RUFY2: variants seen among roughly 807,000 people sequenced by gnomAD.
The protein encoded by RUFY2 is RUN and FYVE domain containing 2.
RUFY2 carries 49 observed loss-of-function variants against 94.4 expected under a neutral mutation model. That is an observed-to-expected ratio of 0.52 (90% confidence interval 0.41 to 0.66). The LOEUF is 0.66. Among genes scored for constraint, RUFY2 ranks in the 30% least tolerant of loss-of-function variants. RUFY2 has a pLI of 0.00. For synonymous variants in RUFY2, 255 were observed against 235.7 expected, an observed-to-expected ratio of 1.08 and a Z score of -0.75; for missense variants, 541 against 692.8, an observed-to-expected ratio of 0.78 and a Z score of 2.46.
intron 10 of RUFY2, among the ~76,000 whole-genome samples, chr10:68,383,489 CAT>C (rs1407298032): frequency 6.6e-6 from 1 of 150,930 alleles, no homozygotes; most frequent in African/African-American, 2.4e-5. Context: ...TGTGGTGGCA[CAT>C]GCCTTGTACT....
At chr10:68,394,049 T>C (rs998223803) in intron 6 of RUFY2, 26 bp downstream of exon 6, 35 of 1,491,878 alleles carry the variant, frequency 2.3e-5, no homozygotes, top group Non-Finnish European at 2.9e-5. Context: ...AAACCCAATA[T>C]GTGAAATAAC....
intron 16 of RUFY2, among the ~76,000 whole-genome samples, chr10:68,353,725 G>C (rs1479574373): frequency 6.6e-6 from 1 of 152,018 alleles, no homozygotes; most frequent in East Asian, 1.9e-4. Context: ...CTTGAGCCCA[G>C]GAGTTTGAGA....
intron 13 of RUFY2, among the ~76,000 whole-genome samples, chr10:68,369,291 C>T (rs558235975): frequency 3.3e-5 from 5 of 152,162 alleles, no homozygotes; most frequent in African/African-American, 9.6e-5. Flanking sequence ...TTGAGACCAG[C>T]CTGGTCAACA....
At position 68,394,635 on chromosome 10, in the gene RUFY2, A is replaced by T. The variant is rs7077943; in HGVS notation, c.399-184T>A. ...TATATTTTTTATTTTTTATTTATTA[A>T]TTTTTTTTTTTTGAGACGAAGTCTT... On this transcript the variant is annotated intron_variant, in intron 4 of 17. Transcript: ENST00000602465. 6.4e-3 allele frequency among the ~76,000 whole-genome samples: 940 copies of T among 146,904 alleles called. 15 individuals are homozygous for T. Among genetic ancestry groups the T allele is most frequent in the African/African-American group, 0.022 (900 of 40,436 alleles).
intron 16 of RUFY2, among the ~76,000 whole-genome samples, chr10:68,349,422 A>AG (rs76282461): frequency 4.0e-5 from 6 of 151,834 alleles, no homozygotes; most frequent in Non-Finnish European, 5.9e-5. Context: ...CAGGAGGCTG[A>AG]GGGGGGGAGG....
intron 3 of RUFY2, among the ~76,000 whole-genome samples, chr10:68,400,215 C>T (rs1270174844): frequency 6.6e-6 from 1 of 152,030 alleles, no homozygotes; most frequent in Admixed American, 6.6e-5. Flanking sequence ...ACTTGGGAGG[C>T]TGAGGCACGA....
rs1056598428 is a variant in RUFY2, at chr10:68,343,481, G to GTATT, written c.*2283_*2286dup. 116 of 152,624 alleles carry GTATT rather than the reference G, an allele frequency of 7.6e-4. 1 individual carries two copies. The highest frequency in any genetic ancestry group is 3.6e-3 in the Admixed American group (55 of 15,286). The allele number at this position is 152,624 out of a possible 1,614,324, so 9.5% of individuals were successfully genotyped here. ...CATCTTAAAGCAGTAAAAGTATACA[G>GTATT]TATTAATGAAACCAAAATTGCCCTT... is the stretch of plus-strand genomic sequence containing the variant. On this transcript the variant is annotated 3_prime_UTR_variant, in exon 18 of 18. Transcript: ENST00000602465.
intron 13 of RUFY2, among the ~76,000 whole-genome samples, chr10:68,366,855 T>C (rs1442401223): frequency 2.2e-5 from 3 of 138,804 alleles, no homozygotes; most frequent in African/African-American, 5.3e-5. Context: ...TATAAATAAA[T>C]AAATATATTA....
chr10:68,388,846 AAAAAAAAAG>A lies in RUFY2; in HGVS notation c.651-2727_651-2719del, dbSNP rs1471665346. ...CATGAGAACCCTGTCTCAAAAAAAA[AAAAAAAAAG>A]AAAAGAAAAGAAAAAGAAAAAGCAA... On this transcript the variant is annotated intron_variant, in intron 7 of 17. Transcript: ENST00000602465. Among the ~76,000 whole-genome samples, 98 of 149,604 alleles carry A rather than the reference AAAAAAAAAG, an allele frequency of 6.6e-4. 2 individuals are homozygous for A. The highest frequency in any genetic ancestry group is 1.1e-3 in the Non-Finnish European group (73 of 67,300).
chr10:68,355,533 G>T, intron 15 of RUFY2, 132 bp from the exon 16 acceptor site: 1 of 516,808 alleles, frequency 1.9e-6, no homozygotes, highest in East Asian at 3.4e-5. Context: ...GGCCTTCTCT[G>T]GCTAGTGGAA....
rs2049281323 is a variant in RUFY2, at chr10:68,383,886, A to T, written c.851T>A (p.Leu284His). 1 of 1,613,768 alleles carries T rather than the reference A, an allele frequency of 6.2e-7. No individual in the cohort carries two copies. ...CTGACGAGAATGCTTATATGTTTGA[A>T]GCTCAGTTTCCACATCTACTTTGGT... ...EVTKVDVETELQTYKHSRQGL... is the reference protein window; with the variant it reads ...EVTKVDVETEHQTYKHSRQGL... Residue 284 changes from leucine to histidine, a missense_variant, in exon 10 of 18, where the codon CTT (leucine) becomes CAT (histidine). Leu to His is a moderately conservative substitution (Grantham distance 99, BLOSUM62 -3). This residue lies in a region of RUFY2 where 403 missense variants were observed against 480.7 expected (regional missense o/e 0.84). Coordinates refer to ENST00000602465, the MANE Select transcript of RUFY2 (RefSeq NM_001330103.2).
intron 7 of RUFY2, among the ~76,000 whole-genome samples, chr10:68,389,059 A>AT (rs923665184): frequency 6.6e-6 from 1 of 151,406 alleles, no homozygotes; most frequent in Admixed American, 6.6e-5. Context: ...TGACCAGCTA[A>AT]TTTTTTGTAC....
At chr10:68,363,708 A>G (rs751253574) in intron 14 of RUFY2, 24 bp from the exon 15 acceptor site, 1 of 1,425,634 alleles carries the variant, frequency 7.0e-7, no homozygotes, top group Non-Finnish European at 9.6e-7. Flanking sequence ...AAAGACAGAA[A>G]ATGAAATTTA....
intron 4 of RUFY2, among the ~76,000 whole-genome samples, chr10:68,396,235 C>G (rs771002494): frequency 1.3e-5 from 2 of 152,174 alleles, no homozygotes; most frequent in Non-Finnish European, 2.9e-5. Flanking sequence ...AGTGATCCAC[C>G]TGCCTCGGCC....
In RUFY2 at chr10:68,389,116, G is replaced by C. The variant is rs566051282; in HGVS notation, c.651-2988C>G. On this transcript the variant is annotated intron_variant, in intron 7 of 17. Transcript: ENST00000602465. ...AGGTCTCACCATGTTGCCCAGGCTG[G>C]TCTCAGACTGCTGAGCTCAAGTGAT... 3.3e-5 allele frequency among the ~76,000 whole-genome samples: 5 copies of C among 152,134 alleles called. No homozygotes were observed. In the East Asian group the frequency reaches 9.7e-4, roughly 30 times the overall value.
chr10:68,393,203 C>A lies in RUFY2; in HGVS notation c.585G>T (p.Arg195Ser). 1 of 1,532,670 alleles carries A rather than the reference C, an allele frequency of 6.5e-7. No individual in the cohort carries two copies. The allele number at this position is 1,532,670 out of a possible 1,614,324, so 94.9% of individuals were successfully genotyped here. Reference sequence around the variant, plus strand: ...CTAATATGGCAGCAATTTGAACATTCCTAAATGAGGAAAAAAGTAGCTTTG... The same window carrying A: ...CTAATATGGCAGCAATTTGAACATTACTAAATGAGGAAAAAAGTAGCTTTG... ...KNEEDIGNKE[R>S]NVQIAAILDQ... The change falls in exon 7 of 18, where the codon AGG becomes AGT. Residue 195 changes from arginine to serine, a missense_variant and splice_region_variant. Arg to Ser is a moderately radical substitution (Grantham distance 110). This residue lies in a region of RUFY2 where 403 missense variants were observed against 480.7 expected (regional missense o/e 0.84). Coordinates refer to ENST00000602465, the MANE Select transcript of RUFY2 (RefSeq NM_001330103.2).
chr10:68,372,658 G>A (rs906615183), intron 13 of RUFY2, among the ~76,000 whole-genome samples: 2 of 151,360 alleles, frequency 1.3e-5, no homozygotes, highest in Non-Finnish European at 2.9e-5. Flanking sequence ...GGGAGGCCAC[G>A]GTGGCCAGAT....
intron 16 of RUFY2, among the ~76,000 whole-genome samples, chr10:68,353,234 A>C (rs973470457): frequency 1.3e-5 from 2 of 149,282 alleles, no homozygotes; most frequent in African/African-American, 4.9e-5. Flanking sequence ...GGGAGGCTGA[A>C]GCAGGAGAAT....
intron 13 of RUFY2, among the ~76,000 whole-genome samples, chr10:68,369,524 C>G (rs2048108301): frequency 6.6e-6 from 1 of 151,022 alleles, no homozygotes; most frequent in Admixed American, 6.6e-5. Context: ...AAAAACCAGG[C>G]GAGGCCTTTA....
Sources: gnomAD v4.1 joint callset for allele counts (sites outside exome capture counted in the v4.1 genomes callset) on GRCh38, gnomAD v4.1.1 for gene constraint, gnomAD v4.1.1 regional missense constraint, MANE v1.5 for transcripts, NCBI Gene and HGNC (gene_info 2026-07-23, HGNC 2026-07-21) for gene names.